Variants in RAPGEF6 observed in about 807,000 individuals in gnomAD.
The protein encoded by RAPGEF6 is PDZ domain containing guanine nucleotide exchange factor (GEF) 2.
Under a neutral mutation model 171.4 loss-of-function variants are expected in RAPGEF6, and 56 were observed. That is an observed-to-expected ratio of 0.33 (90% CI 0.26 to 0.41). The LOEUF (loss-of-function observed/expected upper bound fraction) is 0.41. Ranked by LOEUF, RAPGEF6 falls within the 10% of genes least tolerant of loss-of-function variation. RAPGEF6 has a pLI of 1.00. For missense variants in RAPGEF6, 1,674 were observed against 1,921.4 expected, an observed-to-expected ratio of 0.87 and a Z score of 2.41; for synonymous variants, 692 against 650.1, an observed-to-expected ratio of 1.06 and a Z score of -0.98.
chr5:131,483,321 CCTGGGCAACAGAGTAAGACT>C lies in RAPGEF6; in HGVS notation c.1841-3588_1841-3569del, dbSNP rs1233575703. Among the ~76,000 whole-genome samples, 82 of 140,316 alleles carry C rather than the reference CCTGGGCAACAGAGTAAGACT, an allele frequency of 5.8e-4. 2 individuals carry two copies. The South Asian group carries it at 0.017, about 30-fold the overall frequency. 92.1% of individuals were successfully genotyped at this position (140,316 alleles called of 152,430 possible). On this transcript the variant is annotated intron_variant, in intron 15 of 27. Transcript: ENST00000509018. ...CCGAGATCGAGCCACTGCACTCCAA[CCTGGGCAACAGAGTAAGACT>C]CTGTCTCAAAAAAAAAAAAAAAAAT...
chr5:131,548,117 A>T lies in RAPGEF6; in HGVS notation c.425T>A (p.Phe142Tyr). The T allele has an allele frequency of 6.2e-7, 1 of 1,613,968 alleles. No individual in the cohort carries two copies. Among genetic ancestry groups the T allele is most frequent in the Non-Finnish European group, 8.5e-7 (1 of 1,179,946 alleles). Residue 142 changes from phenylalanine to tyrosine, a missense_variant, in exon 6 of 28, where the codon TTT (phenylalanine) becomes TAT (tyrosine). Physicochemically the swap from Phe to Tyr is conservative, Grantham distance 22. Around this residue, in one of 3 missense-constraint regions of RAPGEF6, gnomAD observed 1,116 missense variants for 1,321.5 expected, o/e 0.84. Transcript: ENST00000509018. Reference protein sequence around the residue: ...EIPARQSRRRFRKINYKGERQ... With the variant: ...EIPARQSRRRYRKINYKGERQ... ...CTCTCCTTTATAGTTAATTTTCCGA[A>T]ATCTTCTTCGGGATTGTCTGGCAGG...
chr5:131,515,762 A>G (rs1476092020), intron 7 of RAPGEF6, among the ~76,000 whole-genome samples: 1 of 152,238 alleles, frequency 6.6e-6, no homozygotes, highest in African/African-American at 2.4e-5. Context: ...TGATTAAAAC[A>G]CAAGACTAGG....
Position 131,464,051 on chromosome 5 carries a change from G to T in RAPGEF6, c.2470C>A (p.Leu824Ile). 1 of 1,596,400 alleles carries T rather than the reference G, an allele frequency of 6.3e-7. No homozygotes were observed. Among genetic ancestry groups the T allele is most frequent in the Non-Finnish European group, 8.5e-7 (1 of 1,170,902 alleles). ...QFSKLADRIQ[L>I]NGRYYLKNNM... ...AATAAGCTTATTCACCTTCCATTGA[G>T]TTGAATTCTATCAGCTAATTTGGAG... The change falls in exon 18 of 28, where the codon CTC becomes ATC. Residue 824 changes from leucine (L) to isoleucine (I), a missense_variant. Leu to Ile is a conservative substitution (Grantham distance 5). Around this residue, in one of 3 missense-constraint regions of RAPGEF6, gnomAD observed 1,116 missense variants for 1,321.5 expected, o/e 0.84. Coordinates refer to ENST00000509018, the MANE Select transcript of RAPGEF6 (RefSeq NM_016340.6).
chr5:131,580,559 G>A (rs1472455100), intron 4 of RAPGEF6, among the ~76,000 whole-genome samples: 1 of 152,214 alleles, frequency 6.6e-6, no homozygotes, highest in Non-Finnish European at 1.5e-5. Context: ...GCGAGAGAGG[G>A]CCGCCAGCAC....
At position 131,446,864 on chromosome 5, in the gene RAPGEF6, G is replaced by A. The variant is rs998850745; in HGVS notation, c.3201-161C>T. On this transcript the variant is annotated intron_variant, in intron 21 of 27. Coordinates refer to ENST00000509018, the MANE Select transcript of RAPGEF6 (RefSeq NM_016340.6). ...TGCAAAGTAATTTGGCACATATGGT[G>A]ACGTTCTGAATTAAGAACAGGATTT... 6 of 670,728 alleles carry A rather than the reference G, an allele frequency of 8.9e-6. 1 individual carries two copies. The highest frequency in any genetic ancestry group is 3.1e-5 in the Admixed American group (1 of 31,926). 41.5% of individuals were successfully genotyped at this position (670,728 alleles called of 1,614,324 possible). A position where few individuals can be genotyped will look rare whatever the true frequency, so the allele number is the denominator to read the frequency against.
chr5:131,519,929 T>G (rs1488515722), intron 7 of RAPGEF6, among the ~76,000 whole-genome samples: 1 of 152,212 alleles, frequency 6.6e-6, no homozygotes, highest in Non-Finnish European at 1.5e-5. Flanking sequence ...CCAGAGCTAT[T>G]GTATTAACTT....
At chr5:131,611,419 C>T (rs1432232141) in intron 1 of RAPGEF6, among the ~76,000 whole-genome samples, 1 of 152,106 alleles carries the variant, frequency 6.6e-6, no homozygotes, top group East Asian at 1.9e-4. Flanking sequence ...CCTGTAATCC[C>T]AATACTTTGG....
At chr5:131,517,850 C>T (rs1163568105) in intron 7 of RAPGEF6, among the ~76,000 whole-genome samples, 1 of 150,894 alleles carries the variant, frequency 6.6e-6, no homozygotes, top group Non-Finnish European at 1.5e-5. Flanking sequence ...TTCTCTTACC[C>T]ATGGATTAAA....
chr5:131,598,277 G>A (rs190953883), intron 3 of RAPGEF6, among the ~76,000 whole-genome samples: 60 of 152,144 alleles, frequency 3.9e-4, no homozygotes, highest in Admixed American at 1.7e-3. Context: ...GAAAATGGGA[G>A]ACTGAAACAC....
At chr5:131,519,583 G>A (rs946349058) in intron 7 of RAPGEF6, among the ~76,000 whole-genome samples, 23 of 152,090 alleles carry the variant, frequency 1.5e-4, no homozygotes, top group Admixed American at 7.9e-4. Flanking sequence ...TGAATTTTTC[G>A]TAGAGACAGG....
intron 6 of RAPGEF6, among the ~76,000 whole-genome samples, chr5:131,533,548 T>C (rs1759551515): frequency 6.6e-6 from 1 of 152,080 alleles, no homozygotes; most frequent in Non-Finnish European, 1.5e-5. Flanking sequence ...CTGAAAGATA[T>C]AACCTTCAGG....
intron 6 of RAPGEF6, among the ~76,000 whole-genome samples, chr5:131,531,763 A>C (rs1422828463): frequency 1.3e-5 from 2 of 152,180 alleles, no homozygotes; most frequent in African/African-American, 4.8e-5. Context: ...TAACATACCT[A>C]AATATATCAA....
chr5:131,619,922 T>C (rs562287663), intron 1 of RAPGEF6, among the ~76,000 whole-genome samples: 2 of 152,364 alleles, frequency 1.3e-5, no homozygotes, highest in Non-Finnish European at 2.9e-5. Context: ...TGTGATTCAA[T>C]TTCCCCGTAT....
intron 23 of RAPGEF6, among the ~76,000 whole-genome samples, chr5:131,440,458 C>T (rs1253007997): frequency 6.6e-6 from 1 of 151,982 alleles, no homozygotes; most frequent in Non-Finnish European, 1.5e-5. Context: ...AAGTAAGTGG[C>T]CAGGTATGGT....
intron 6 of RAPGEF6, among the ~76,000 whole-genome samples, chr5:131,544,464 A>G (rs1760374242): frequency 6.6e-6 from 1 of 152,126 alleles, no homozygotes; most frequent in Admixed American, 6.5e-5. Flanking sequence ...AATCCACAAT[A>G]TATGATGCCA....
At chr5:131,628,741 GATC>G (rs1766103697) in intron 1 of RAPGEF6, among the ~76,000 whole-genome samples, 1 of 152,122 alleles carries the variant, frequency 6.6e-6, no homozygotes, top group Non-Finnish European at 1.5e-5. Flanking sequence ...TGAAGCCAAT[GATC>G]ATTTACCATT....
chr5:131,487,364 G>T (rs1302240800), intron 15 of RAPGEF6, among the ~76,000 whole-genome samples: 1 of 152,038 alleles, frequency 6.6e-6, no homozygotes, highest in Non-Finnish European at 1.5e-5. Flanking sequence ...GGGGTGGCCA[G>T]CTTTTATTCC....
intron 4 of RAPGEF6, among the ~76,000 whole-genome samples, chr5:131,578,062 C>T (rs1016068900): frequency 6.6e-6 from 1 of 152,212 alleles, no homozygotes; most frequent in Non-Finnish European, 1.5e-5. Flanking sequence ...CACTTTTCCT[C>T]CGAACCATCG....
intron 6 of RAPGEF6, 47 bp from the exon 7 acceptor site, chr5:131,521,568 T>G: frequency 6.4e-7 from 1 of 1,550,616 alleles, no homozygotes; most frequent in South Asian, 1.2e-5. Flanking sequence ...AAGCTTTACC[T>G]TTTTAAGCGG....
Sources: gnomAD v4.1 joint callset for allele counts (sites outside exome capture counted in the v4.1 genomes callset) on GRCh38, gnomAD v4.1.1 for gene constraint, gnomAD v4.1.1 regional missense constraint, MANE v1.5 for transcripts, NCBI Gene and HGNC (gene_info 2026-07-23, HGNC 2026-07-21) for gene names.